C4orf51: variants seen among roughly 807,000 people sequenced by gnomAD.
C4orf51 encodes uncharacterized protein C4orf51.
In C4orf51, 25 loss-of-function variants were observed where a neutral mutation model predicts 25.2. That is an observed-to-expected ratio of 0.99 (90% CI 0.72 to 1.39). The LOEUF is 1.39. Ranked by LOEUF, C4orf51 falls within the 40% of genes most tolerant of loss-of-function variation. The pLI, the probability that C4orf51 is intolerant of heterozygous loss-of-function variation, is 0.00. For missense variants in C4orf51, 252 were observed against 239.6 expected, an observed-to-expected ratio of 1.05 and a Z score of -0.34; for synonymous variants, 100 against 84.5, an observed-to-expected ratio of 1.18 and a Z score of -1.01.
chr4:145,791,984 GT>G, the C4orf51 span, among the ~76,000 whole-genome samples: 4,996 of 152,262 alleles, frequency 0.033, 201 homozygotes, highest in African/African-American at 0.089. Flanking sequence ...TTCTAGCTGT[GT>G]CCATGGGATG....
chr4:145,781,195 C>CAAAAAAAAA, the C4orf51 span, among the ~76,000 whole-genome samples: 524 of 56,552 alleles, frequency 9.3e-3, 2 homozygotes, highest in East Asian at 0.033. Context: ...GACACCATCT[C>CAAAAAAAAA]AAAAAAAAAA....
At chr4:145,770,400 G>C (rs1736093266) in intron 1 of C4orf51, among the ~76,000 whole-genome samples, 1 of 151,728 alleles carries the variant, frequency 6.6e-6, no homozygotes, top group Non-Finnish European at 1.5e-5. Flanking sequence ...CTTAGTAGCT[G>C]TATTATTTTG....
intron 2 of C4orf51, among the ~76,000 whole-genome samples, chr4:145,702,409 C>G (rs956076264): frequency 2.2e-4 from 33 of 152,184 alleles, no homozygotes; most frequent in African/African-American, 7.5e-4. Flanking sequence ...TAGACTGACC[C>G]TGACACCCAT....
At chr4:145,735,350 G>A (rs1732749629), downstream of C4orf51, among the ~76,000 whole-genome samples, 1 of 152,198 alleles carries the variant, frequency 6.6e-6, no homozygotes, top group African/African-American at 2.4e-5. Context: ...GAGCCACCCA[G>A]GCACACATCC....
chr4:145,686,466 T>G (rs1246507049), intron 1 of C4orf51, among the ~76,000 whole-genome samples: 1 of 152,212 alleles, frequency 6.6e-6, no homozygotes, highest in Admixed American at 6.5e-5. Context: ...GGACAGAACT[T>G]GTAGAATGCA....
chr4:145,700,432 A>G (rs527817017), intron 2 of C4orf51, among the ~76,000 whole-genome samples: 1 of 152,136 alleles, frequency 6.6e-6, no homozygotes, highest in Non-Finnish European at 1.5e-5. Context: ...CTGTGTTCTT[A>G]AGAACTTAAA....
chr4:145,766,437 AGAGACAGGAAACAAAAGAGGTGAGCC>A (rs1418435234), intron 1 of C4orf51, among the ~76,000 whole-genome samples: 1 of 152,210 alleles, frequency 6.6e-6, no homozygotes, highest in Non-Finnish European at 1.5e-5. Context: ...GTGGCCCCTG[AGAGACAGGAAACAAAAGAGGTGAGCC>A]ATATGACTGA....
chr4:145,688,615 T>G (rs144252261), intron 1 of C4orf51, among the ~76,000 whole-genome samples: 1 of 152,202 alleles, frequency 6.6e-6, no homozygotes, highest in Non-Finnish European at 1.5e-5. Flanking sequence ...TCTGCCATGA[T>G]TGTAAGTTTC....
intron 2 of C4orf51, among the ~76,000 whole-genome samples, chr4:145,704,670 G>T (rs1385531004): frequency 6.6e-6 from 1 of 152,108 alleles, no homozygotes; most frequent in Non-Finnish European, 1.5e-5. Context: ...TTTTCTTGCT[G>T]CTTTCAAAAT....
chr4:145,735,487 T>C (rs1320122826), downstream of C4orf51, among the ~76,000 whole-genome samples: 1 of 151,796 alleles, frequency 6.6e-6, no homozygotes, highest in East Asian at 1.9e-4. Context: ...GCAGAGGTGG[T>C]GGGAGGGGTT....
intron 2 of C4orf51, among the ~76,000 whole-genome samples, chr4:145,714,305 T>C (rs1431640025): frequency 6.6e-6 from 1 of 152,244 alleles, no homozygotes; most frequent in African/African-American, 2.4e-5. Flanking sequence ...GTTACCATAA[T>C]GAAGCAAATT....
At chr4:145,787,102 C>T in the C4orf51 span, among the ~76,000 whole-genome samples, 1 of 152,324 alleles carries the variant, frequency 6.6e-6, no homozygotes, top group East Asian at 1.9e-4. Flanking sequence ...AGGACCATTA[C>T]ACTCACCCAA....
the C4orf51 span, among the ~76,000 whole-genome samples, chr4:145,784,514 A>C: frequency 6.6e-6 from 1 of 152,266 alleles, no homozygotes; most frequent in East Asian, 1.9e-4. Context: ...CAACAGCAAC[A>C]AGTGTACACC....
chr4:145,755,471 A>G (rs998782033), downstream of C4orf51, among the ~76,000 whole-genome samples: 3 of 152,254 alleles, frequency 2.0e-5, no homozygotes, highest in Non-Finnish European at 4.4e-5. Context: ...AAGGAATTCC[A>G]GGGGAATATA....
intron 4 of C4orf51, among the ~76,000 whole-genome samples, 181 bp downstream of exon 4, chr4:145,729,410 T>C (rs1423239079): frequency 7.0e-6 from 1 of 143,236 alleles, no homozygotes; most frequent in East Asian, 2.3e-4. Context: ...CACGCCATTC[T>C]CCTGCCTCAG....
intron 2 of C4orf51, among the ~76,000 whole-genome samples, chr4:145,707,270 T>C (rs1345398725): frequency 2.0e-5 from 3 of 152,202 alleles, no homozygotes; most frequent in Non-Finnish European, 4.4e-5. Flanking sequence ...TAAAATCTCT[T>C]CTTTATAACC....
chr4:145,700,611 G>A lies in C4orf51; in HGVS notation c.307+3979G>A, dbSNP rs570428935. On this transcript the variant is annotated intron_variant, in intron 2 of 5. Transcript: ENST00000438731. ...ATTCTTGTCGTAAAATAGGCAAATG[G>A]TCTGAGGTGCCTGACGTCCAGGCAT... Among the ~76,000 whole-genome samples the A allele has an allele frequency of 5.9e-5, 9 of 152,158 alleles. No individual in the cohort carries two copies. In the South Asian group the frequency reaches 1.2e-3, roughly 21 times the overall value.
the C4orf51 span, among the ~76,000 whole-genome samples, chr4:145,777,774 T>C: frequency 6.6e-6 from 1 of 152,170 alleles, no homozygotes; most frequent in Non-Finnish European, 1.5e-5. Context: ...ATTTTTGTCT[T>C]TCTCTAATTA....
chr4:145,787,292 G>A, the C4orf51 span, among the ~76,000 whole-genome samples: 6 of 152,048 alleles, frequency 3.9e-5, no homozygotes, highest in African/African-American at 9.6e-5. Flanking sequence ...GTGACACCCC[G>A]TCTCTACTAA....
Sources: gnomAD v4.1 joint callset for allele counts (sites outside exome capture counted in the v4.1 genomes callset) on GRCh38, gnomAD v4.1.1 for gene constraint, MANE v1.5 for transcripts, NCBI Gene and HGNC (gene_info 2026-07-23, HGNC 2026-07-21) for gene names.